The following WWC1 variants were observed in gnomAD, a reference collection of about 807,000 sequenced individuals.
WWC1 encodes WW and C2 domain containing 1, also known as protein KIBRA.
WWC1 carries 55 observed loss-of-function variants against 138.4 expected under a neutral mutation model. The observed-to-expected ratio is 0.40, with a 90% CI of 0.32 to 0.50. WWC1 has a LOEUF of 0.50. Ranked by LOEUF, WWC1 falls within the 20% of genes least tolerant of loss-of-function variation. The pLI is 0.72. For missense variants in WWC1, 1,226 were observed against 1,420.4 expected (o/e 0.86, Z 2.20); for synonymous variants, 524 against 564.9 (o/e 0.93, Z 1.03).
chr5:168,294,456 T>A (rs1258712032), intron 1 of WWC1, among the ~76,000 whole-genome samples: 1 of 152,158 alleles, frequency 6.6e-6, no homozygotes, highest in Non-Finnish European at 1.5e-5. Flanking sequence ...ATATTTTAGC[T>A]AGGTACTGTG....
chr5:168,394,578 T>G (rs13355975), intron 3 of WWC1, among the ~76,000 whole-genome samples: 23,669 of 151,790 alleles, frequency 0.16, 1,976 homozygotes, highest in African/African-American at 0.22. Flanking sequence ...ATACAAAAGT[T>G]AGCTGGGCGT....
At chr5:168,421,910 G>A (rs1781115377) in intron 9 of WWC1, 98 bp from the exon 10 acceptor site, 4 of 987,378 alleles carry the variant, frequency 4.1e-6, no homozygotes, top group Non-Finnish European at 4.7e-6. Context: ...AATGCTTTAC[G>A]GAAAGTTCTT....
At chr5:168,449,731 G>A (rs770407199) in intron 17 of WWC1, among the ~76,000 whole-genome samples, 2 of 151,876 alleles carry the variant, frequency 1.3e-5, no homozygotes, top group African/African-American at 2.4e-5. Flanking sequence ...GTGCCACCAC[G>A]CCTGGCTACG....
At chr5:168,436,057 G>T (rs1250271356) in intron 15 of WWC1, among the ~76,000 whole-genome samples, 2 of 152,054 alleles carry the variant, frequency 1.3e-5, no homozygotes, top group Admixed American at 6.5e-5. Flanking sequence ...TGGCCACGCT[G>T]GTCTCAAACT....
At chr5:168,465,113 C>T in intron 21 of WWC1, 151 bp downstream of exon 21, 2 of 1,238,470 alleles carry the variant, frequency 1.6e-6, no homozygotes, top group Non-Finnish European at 2.2e-6. Flanking sequence ...CCCTCGTTCC[C>T]ATCAGGAGAG....
intron 16 of WWC1, among the ~76,000 whole-genome samples, chr5:168,443,213 G>A (rs1206777831): frequency 3.9e-5 from 6 of 152,160 alleles, no homozygotes; most frequent in East Asian, 3.9e-4. Flanking sequence ...TCAATGGAGC[G>A]GATGGGTTGG....
At chr5:168,328,639 C>T (rs549793554) in intron 1 of WWC1, among the ~76,000 whole-genome samples, 93 of 152,220 alleles carry the variant, frequency 6.1e-4, no homozygotes, top group South Asian at 8.3e-4. Context: ...CTCCGCCTCC[C>T]GGGTTCAAGC....
At chr5:168,447,887 G>A (rs947067082) in intron 17 of WWC1, among the ~76,000 whole-genome samples, 5 of 149,564 alleles carry the variant, frequency 3.3e-5, no homozygotes, top group African/African-American at 1.2e-4. Context: ...CTCTCTTTCT[G>A]CTTGGCACAC....
intron 3 of WWC1, among the ~76,000 whole-genome samples, chr5:168,389,597 G>GTTTTTTTTTTTTTTTTTTT (rs55873477): frequency 1.5e-5 from 2 of 129,336 alleles, no homozygotes; most frequent in African/African-American, 3.0e-5. Flanking sequence ...TTGAATTTTT[G>GTTTTTTTTTTTTTTTTTTT]TTTTTTTTTT....
At chr5:168,394,756 G>A (rs1778768182) in intron 3 of WWC1, among the ~76,000 whole-genome samples, 1 of 152,130 alleles carries the variant, frequency 6.6e-6, no homozygotes, top group Admixed American at 6.5e-5. Context: ...TCGTAGTAGA[G>A]GATAGTGAAG....
At chr5:168,336,584 A>AAC (rs1773478695) in intron 1 of WWC1, among the ~76,000 whole-genome samples, 1 of 150,074 alleles carries the variant, frequency 6.7e-6, no homozygotes, top group African/African-American at 2.5e-5. Context: ...AAAAAAAAAA[A>AAC]AAAAAAAAAA....
intron 4 of WWC1, among the ~76,000 whole-genome samples, 163 bp downstream of exon 4, chr5:168,397,963 G>A (rs74722556): frequency 0.014 from 2,094 of 152,260 alleles, 47 homozygotes; most frequent in African/African-American, 0.047. Context: ...CACAGTAATA[G>A]TAATGGTTGT....
chr5:168,467,545 C>A, intron 21 of WWC1: 1 of 300,856 alleles, frequency 3.3e-6, no homozygotes, highest in Non-Finnish European at 6.2e-6. Context: ...GAGGTAATAA[C>A]ATCTACCCTC....
chr5:168,371,593 ATCC>A, intron 2 of WWC1, 60 bp downstream of exon 2: 1 of 1,271,310 alleles, frequency 7.9e-7, no homozygotes, highest in Non-Finnish European at 1.1e-6. Flanking sequence ...CTCCAAGCCC[ATCC>A]TCCCTCCAAG....
intron 5 of WWC1, among the ~76,000 whole-genome samples, chr5:168,401,916 T>G (rs1011784708): frequency 2.6e-5 from 4 of 152,144 alleles, no homozygotes; most frequent in Non-Finnish European, 5.9e-5. Flanking sequence ...TTCCTCCACT[T>G]TGCAGCAAAA....
intron 17 of WWC1, among the ~76,000 whole-genome samples, chr5:168,451,028 A>G (rs1192272435): frequency 6.6e-6 from 1 of 152,044 alleles, no homozygotes; most frequent in Non-Finnish European, 1.5e-5. Context: ...TTATTTATTT[A>G]TTTTGAGACA....
rs750113914 is a variant in WWC1 at position 168,397,784 on chromosome 5, C to A, written c.494C>A (p.Ala165Asp). The change falls in exon 4 of 23, where the codon GCC (alanine) becomes GAC (aspartate). Residue 165 changes from alanine to aspartate, a missense_variant. Around this residue, in one of 3 missense-constraint regions of WWC1, gnomAD observed 1,016 missense variants for 1,153.9 expected, o/e 0.88. Coordinates refer to ENST00000265293, the MANE Select transcript of WWC1 (RefSeq NM_015238.3). ...CCTGAGATCCTGAAAGCTGAAATTG[C>A]CACTGCAAAATCCCGGGTAGGACCT... is the stretch of plus-strand genomic sequence containing the variant. ...YDPEILKAEI[A>D]TAKSRVNKLK... The A allele has an allele frequency of 6.2e-7, 1 of 1,613,994 alleles. No individual in the cohort carries two copies. Among genetic ancestry groups the A allele is most frequent in the Non-Finnish European group, 8.5e-7 (1 of 1,179,928 alleles).
At chr5:168,409,045 G>A (rs1780025382) in intron 7 of WWC1, among the ~76,000 whole-genome samples, 1 of 151,912 alleles carries the variant, frequency 6.6e-6, no homozygotes, top group East Asian at 1.9e-4. Flanking sequence ...TTTTCCTCCT[G>A]TTAGTCTCAA....
intron 1 of WWC1, among the ~76,000 whole-genome samples, chr5:168,352,219 A>T (rs1326682553): frequency 6.6e-6 from 1 of 152,196 alleles, no homozygotes; most frequent in African/African-American, 2.4e-5. Context: ...TAGTGTCATC[A>T]TCTGAAAAAT....
Sources: allele counts gnomAD v4.1 joint callset (sites outside exome capture counted in the v4.1 genomes callset), GRCh38; gene constraint gnomAD v4.1.1; regional missense constraint gnomAD v4.1.1; transcripts MANE v1.5; gene names NCBI Gene and HGNC (gene_info 2026-07-23, HGNC 2026-07-21).